MOB4: variants seen among roughly 807,000 people sequenced by gnomAD.
MOB4 encodes the protein MOB-like protein phocein.
Under a neutral mutation model 32.2 loss-of-function variants are expected in MOB4, and 4 were observed. That is an observed-to-expected ratio of 0.12 (90% CI 0.06 to 0.28). The LOEUF (loss-of-function observed/expected upper bound fraction) is 0.28, where lower values mean the gene tolerates loss of function less well. MOB4 is among the 10% of genes least tolerant of loss of function. MOB4 has a pLI of 1.00. For missense variants in MOB4, 158 were observed against 271.2 expected (o/e 0.58, Z 2.93); for synonymous variants, 88 against 88.1 (o/e 1.00, Z 0.01).
intron 2 of MOB4, among the ~76,000 whole-genome samples, chr2:197,526,093 AG>A (rs1400306512): frequency 6.6e-6 from 1 of 152,156 alleles, no homozygotes; most frequent in Non-Finnish European, 1.5e-5. Flanking sequence ...GTGGTGAAAA[AG>A]GGCATCTTTG....
chr2:197,547,775 ATTAC>A (rs1488058877), intron 5 of MOB4, among the ~76,000 whole-genome samples: 5 of 152,158 alleles, frequency 3.3e-5, no homozygotes, highest in Non-Finnish European at 5.9e-5. Flanking sequence ...GATGAGGACA[ATTAC>A]TTTGCAGTTT....
intron 1 of MOB4, among the ~76,000 whole-genome samples, chr2:197,518,955 T>A (rs1455818801): frequency 6.6e-6 from 1 of 152,004 alleles, no homozygotes; most frequent in Admixed American, 6.6e-5. Flanking sequence ...AGATGGGGTT[T>A]CACTGTGTTA....
chr2:197,524,580 G>A lies in MOB4; in HGVS notation c.123+894G>A, dbSNP rs533605674. 4.0e-5 allele frequency among the ~76,000 whole-genome samples: 6 copies of A among 151,346 alleles called. No homozygotes were observed. In the East Asian group the frequency reaches 7.7e-4, roughly 20 times the overall value. Reference sequence around the variant, plus strand: ...AAAAACAAAAATACAATTTCATTAAGGGGCTAATAAAAAGATAATATAAAT... The same window carrying A: ...AAAAACAAAAATACAATTTCATTAAAGGGCTAATAAAAAGATAATATAAAT... On this transcript the variant is annotated intron_variant, in intron 2 of 7. Coordinates refer to ENST00000323303, the MANE Select transcript of MOB4 (RefSeq NM_015387.5).
intron 2 of MOB4, among the ~76,000 whole-genome samples, chr2:197,532,664 C>T (rs903517892): frequency 4.6e-5 from 7 of 151,608 alleles, no homozygotes; most frequent in Admixed American, 2.0e-4. Context: ...CTAGCCTGGG[C>T]GACAGAACGA....
rs2086560259 is a variant in MOB4, at chr2:197,523,694, A to G, written c.123+8A>G. The G allele has an allele frequency of 6.3e-7, 1 of 1,599,828 alleles. No homozygotes were observed. Among genetic ancestry groups the G allele is most frequent in the Non-Finnish European group, 8.5e-7 (1 of 1,176,042 alleles). Reference sequence around the variant, plus strand: ...ACACTAGCTGTTCAACAGGTAATAAAAATAGTTTCTTTTCACCCTGTGTCT... The same window carrying G: ...ACACTAGCTGTTCAACAGGTAATAAGAATAGTTTCTTTTCACCCTGTGTCT... On this transcript the variant is annotated splice_region_variant and intron_variant, in intron 2 of 7. Coordinates refer to ENST00000323303, the MANE Select transcript of MOB4 (RefSeq NM_015387.5).
At chr2:197,522,005 G>GA (rs1479317387) in intron 1 of MOB4, among the ~76,000 whole-genome samples, 1 of 152,150 alleles carries the variant, frequency 6.6e-6, no homozygotes, top group Non-Finnish European at 1.5e-5. Context: ...AAGTGTCCAT[G>GA]AAATCTTCAC....
intron 5 of MOB4, among the ~76,000 whole-genome samples, chr2:197,541,340 C>A (rs1445550011): frequency 6.6e-6 from 1 of 152,112 alleles, no homozygotes; most frequent in Non-Finnish European, 1.5e-5. Context: ...CCCATTTAAT[C>A]TGTTATAATT....
In MOB4 at chr2:197,540,146, A is replaced by C. The variant is rs1223525350; in HGVS notation, c.260A>C (p.Lys87Thr). 3 of 1,605,336 alleles carry C rather than the reference A, an allele frequency of 1.9e-6. No homozygotes were observed. The highest frequency in any genetic ancestry group is 3.4e-5 in the Admixed American group (2 of 59,128). ...CTTGAGCTAAATGGACTTGCTGTCAAACTTCAGGTAATATTTTCTTTAAGT... is the reference window on the plus strand; with the variant it reads ...CTTGAGCTAAATGGACTTGCTGTCACACTTCAGGTAATATTTTCTTTAAGT... The part of the protein sequence containing the change: ...FCLELNGLAV[K>T]LQSECHPDTC... Residue 87 changes from lysine (K) to threonine (T), a missense_variant, in exon 4 of 8, where the codon AAA becomes ACA. By Grantham distance (78) the Lys-to-Thr change is moderately conservative. Coordinates refer to ENST00000323303, the MANE Select transcript of MOB4 (RefSeq NM_015387.5).
intron 2 of MOB4, among the ~76,000 whole-genome samples, chr2:197,525,360 AAGT>A (rs1446422429): frequency 2.0e-5 from 3 of 151,974 alleles, no homozygotes; most frequent in African/African-American, 4.8e-5. Context: ...AAAAAAAAAA[AAGT>A]AGACAGCTAT....
At chr2:197,540,293 A>G in intron 4 of MOB4, 58 bp from the exon 5 acceptor site, 1 of 1,473,590 alleles carries the variant, frequency 6.8e-7, no homozygotes, top group Non-Finnish European at 9.0e-7. Flanking sequence ...TAGTAACCTA[A>G]ATGATAAGCT....
intron 5 of MOB4, among the ~76,000 whole-genome samples, chr2:197,544,981 A>C (rs1343902345): frequency 2.0e-5 from 3 of 152,228 alleles, no homozygotes; most frequent in African/African-American, 7.2e-5. Flanking sequence ...ATTTCAAAAA[A>C]CAGTTTGGAA....
chr2:197,548,220 A>T, intron 5 of MOB4, 116 bp from the exon 6 acceptor site: 1 of 718,760 alleles, frequency 1.4e-6, no homozygotes, highest in Non-Finnish European at 2.0e-6. Context: ...AATTGTAAGG[A>T]ACTTTTTTCT....
rs895943916 is a variant in MOB4, at chr2:197,551,947, C to T, written c.*1301C>T. 1 of 152,148 alleles carries T rather than the reference C, an allele frequency of 6.6e-6. No homozygotes were observed. Among genetic ancestry groups the T allele is most frequent in the African/African-American group, 2.4e-5 (1 of 41,388 alleles). 9.4% of individuals were successfully genotyped at this position (152,148 alleles called of 1,614,324 possible). On this transcript the variant is annotated 3_prime_UTR_variant, in exon 8 of 8. Coordinates refer to ENST00000323303, the MANE Select transcript of MOB4 (RefSeq NM_015387.5). ...CATGTTGTGAAGAAAGTATTTAAATCCAACTTTTGAACAGATTTAACAAAC... is the reference window on the plus strand; with the variant it reads ...CATGTTGTGAAGAAAGTATTTAAATTCAACTTTTGAACAGATTTAACAAAC...
At chr2:197,515,963 C>A (rs184524835), upstream of MOB4, 8 of 1,009,138 alleles carry the variant, frequency 7.9e-6, no homozygotes, top group Non-Finnish European at 1.2e-5. Context: ...CCGGCGCAGG[C>A]TGCAGCTGTT....
At position 197,551,330 on chromosome 2, in the gene MOB4, A is replaced by G. The variant is rs1206094260; in HGVS notation, c.*684A>G. The stretch of plus-strand genomic sequence containing the variant: ...GGTAAGGCACATAAATTATTTTCCC[A>G]CTGGAAACCTGCCCTGTCCACCCCT... On this transcript the variant is annotated 3_prime_UTR_variant, in exon 8 of 8. Coordinates refer to ENST00000323303, the MANE Select transcript of MOB4 (RefSeq NM_015387.5). The G allele has an allele frequency of 6.5e-6, 1 of 152,690 alleles. No homozygotes were observed. The highest frequency in any genetic ancestry group is 1.5e-5 in the Non-Finnish European group (1 of 68,016). The allele number at this position is 152,690 out of a possible 1,614,324, so 9.5% of individuals were successfully genotyped here. A position where few individuals can be genotyped will look rare whatever the true frequency, so the allele number is the denominator to read the frequency against.
chr2:197,544,087 G>A (rs949034175), intron 5 of MOB4, among the ~76,000 whole-genome samples: 6 of 149,468 alleles, frequency 4.0e-5, no homozygotes, highest in African/African-American at 9.9e-5. Context: ...TCGCTCTGTC[G>A]CCCAGGCTGG....
intron 5 of MOB4, among the ~76,000 whole-genome samples, chr2:197,543,224 C>T (rs2086929569): frequency 6.6e-6 from 1 of 151,978 alleles, no homozygotes; most frequent in South Asian, 2.1e-4. Flanking sequence ...AGCCCAAGGA[C>T]TCAAGGTTGA....
rs1461172022 is a variant in MOB4, at chr2:197,553,114, TAAC to T, written c.*2472_*2474del. 1 of 152,168 alleles carries T rather than the reference TAAC, an allele frequency of 6.6e-6. No homozygotes were observed. Among genetic ancestry groups the T allele is most frequent in the Non-Finnish European group, 1.5e-5 (1 of 68,044 alleles). 9.4% of individuals were successfully genotyped at this position (152,168 alleles called of 1,614,324 possible). A position where few individuals can be genotyped will look rare whatever the true frequency, so the allele number is the denominator to read the frequency against. The stretch of plus-strand genomic sequence containing the variant: ...TTTCTCAGTTAAATTCTTGATGACT[TAAC>T]AACTTTTACTATCAGAATACAATTA... On this transcript the variant is annotated 3_prime_UTR_variant, in exon 8 of 8. Transcript: ENST00000323303.
intron 1 of MOB4, among the ~76,000 whole-genome samples, chr2:197,520,804 T>C (rs182245141): frequency 1.6e-3 from 241 of 148,826 alleles, no homozygotes; most frequent in African/African-American, 5.6e-3. Context: ...ATGCTTGTAA[T>C]GCCAGCACTT....
Sources: allele counts gnomAD v4.1 joint callset (sites outside exome capture counted in the v4.1 genomes callset), GRCh38; gene constraint gnomAD v4.1.1; transcripts MANE v1.5; gene names NCBI Gene and HGNC (gene_info 2026-07-23, HGNC 2026-07-21).